SEMA3E: variants seen among roughly 807,000 people sequenced by gnomAD.
SEMA3E encodes the protein semaphorin-3E.
Under a neutral mutation model 93.6 loss-of-function variants are expected in SEMA3E, and 49 were observed. That is an observed-to-expected ratio of 0.52 (90% CI 0.42 to 0.66). The LOEUF (loss-of-function observed/expected upper bound fraction) is 0.66. Among genes scored for constraint, SEMA3E ranks in the 30% least tolerant of loss-of-function variants. The pLI, the probability that SEMA3E is intolerant of heterozygous loss-of-function variation, is 0.00. For synonymous variants in SEMA3E, 363 were observed against 330.7 expected, an observed-to-expected ratio of 1.10 and a Z score of -1.06; for missense variants, 906 against 964.8, an observed-to-expected ratio of 0.94 and a Z score of 0.81.
chr7:83,434,724 T>TTC (rs1018940210), intron 4 of SEMA3E, among the ~76,000 whole-genome samples: 1 of 121,850 alleles, frequency 8.2e-6, no homozygotes, highest in African/African-American at 3.7e-5. Flanking sequence ...TTTTTTTTTT[T>TTC]TTTTTTTGAG....
At chr7:83,496,212 T>C (rs749288053) in intron 1 of SEMA3E, among the ~76,000 whole-genome samples, 1 of 151,968 alleles carries the variant, frequency 6.6e-6, no homozygotes, top group Non-Finnish European at 1.5e-5. Flanking sequence ...ACGACAGAAG[T>C]TGACTGGAGA....
rs541869736 is a variant in SEMA3E at position 83,571,863 on chromosome 7, G to T, written c.115+76565C>A. 1.1e-3 allele frequency among the ~76,000 whole-genome samples: 174 copies of T among 152,222 alleles called. 2 individuals are homozygous for T. The highest frequency in any genetic ancestry group is 4.1e-3 in the African/African-American group (170 of 41,550). Reference sequence around the variant, plus strand: ...CAAAAGGCTCCTAGAACTAGTAAATGACTTCAGTAAAGTTTCAGGGTACAA... The same window carrying T: ...CAAAAGGCTCCTAGAACTAGTAAATTACTTCAGTAAAGTTTCAGGGTACAA... On this transcript the variant is annotated intron_variant, in intron 1 of 16. Coordinates refer to ENST00000643230, the MANE Select transcript of SEMA3E (RefSeq NM_012431.3).
intron 1 of SEMA3E, among the ~76,000 whole-genome samples, chr7:83,623,662 A>T (rs1793610404): frequency 6.6e-6 from 1 of 151,880 alleles, no homozygotes; most frequent in African/African-American, 2.4e-5. Flanking sequence ...TTTAGAAATT[A>T]TATTTGCTAC....
chr7:83,530,998 C>A (rs1286644626), intron 1 of SEMA3E, among the ~76,000 whole-genome samples: 1 of 152,014 alleles, frequency 6.6e-6, no homozygotes, highest in Non-Finnish European at 1.5e-5. Context: ...AAAACACATA[C>A]GTACATTTTC....
chr7:83,628,349 G>A (rs1793716570), intron 1 of SEMA3E, among the ~76,000 whole-genome samples: 1 of 151,978 alleles, frequency 6.6e-6, no homozygotes, highest in African/African-American at 2.4e-5. Flanking sequence ...TACTAGGTTG[G>A]GGAAGTTCTC....
intron 1 of SEMA3E, among the ~76,000 whole-genome samples, chr7:83,529,344 T>C (rs1237312578): frequency 6.6e-6 from 1 of 152,132 alleles, no homozygotes; most frequent in Non-Finnish European, 1.5e-5. Context: ...GACTGATTCA[T>C]GAAGACATTA....
At chr7:83,531,189 A>G (rs914736106) in intron 1 of SEMA3E, among the ~76,000 whole-genome samples, 3 of 151,926 alleles carry the variant, frequency 2.0e-5, no homozygotes, top group African/African-American at 7.2e-5. Flanking sequence ...ATAATTAAGC[A>G]TCTAAAGTTA....
intron 1 of SEMA3E, among the ~76,000 whole-genome samples, chr7:83,552,820 G>A (rs1257565880): frequency 6.6e-6 from 1 of 152,116 alleles, no homozygotes. Context: ...CCTGTTTTCT[G>A]TTATTTAAGA....
At chr7:83,412,894 G>T (rs1287936941) in intron 5 of SEMA3E, among the ~76,000 whole-genome samples, 1 of 151,954 alleles carries the variant, frequency 6.6e-6, no homozygotes, top group Non-Finnish European at 1.5e-5. Context: ...TTCCTTGAGG[G>T]CCTTACGTTA....
intron 4 of SEMA3E, among the ~76,000 whole-genome samples, chr7:83,453,238 G>A (rs576932512): frequency 2.0e-5 from 3 of 151,952 alleles, no homozygotes; most frequent in South Asian, 2.1e-4. Flanking sequence ...CCACATTGGC[G>A]AGGCTGGTCT....
At chr7:83,453,421 GAAA>G (rs34099626) in intron 4 of SEMA3E, among the ~76,000 whole-genome samples, 3 of 136,886 alleles carry the variant, frequency 2.2e-5, no homozygotes, top group Non-Finnish European at 3.1e-5. Flanking sequence ...TCTCCCTACT[GAAA>G]AAAAAAAAAA....
At chr7:83,507,424 C>CTGTGTGTGTGTGTGTGTGTGTGTG (rs4016317) in intron 1 of SEMA3E, among the ~76,000 whole-genome samples, 1 of 125,928 alleles carries the variant, frequency 7.9e-6, no homozygotes, top group Non-Finnish European at 1.7e-5. Flanking sequence ...AAACAGAACT[C>CTGTGTGTGTGTGTGTGTGTGTGTG]TGTGTGTGTG....
chr7:83,428,894 A>C (rs1788827796), intron 4 of SEMA3E, among the ~76,000 whole-genome samples: 1 of 152,168 alleles, frequency 6.6e-6, no homozygotes, highest in Non-Finnish European at 1.5e-5. Context: ...TTTTCTTTTT[A>C]GAGGTGAGGA....
intron 1 of SEMA3E, among the ~76,000 whole-genome samples, chr7:83,523,019 A>T (rs1791081148): frequency 6.6e-6 from 1 of 152,098 alleles, no homozygotes; most frequent in Non-Finnish European, 1.5e-5. Context: ...CAGAGACTTG[A>T]ACAGCACAGG....
At chr7:83,629,291 A>C (rs1185937302) in intron 1 of SEMA3E, among the ~76,000 whole-genome samples, 1 of 152,104 alleles carries the variant, frequency 6.6e-6, no homozygotes. Context: ...GGGATCAGGG[A>C]CCCACTTGAG....
chr7:83,416,831 A>G (rs1390849836), intron 5 of SEMA3E, among the ~76,000 whole-genome samples: 3 of 151,972 alleles, frequency 2.0e-5, no homozygotes, highest in Admixed American at 6.6e-5. Flanking sequence ...ATTTTAATGT[A>G]TATTCTGTCA....
At chr7:83,389,931 T>C (rs1488864099) in intron 14 of SEMA3E, among the ~76,000 whole-genome samples, 1 of 88,862 alleles carries the variant, frequency 1.1e-5, no homozygotes, top group Non-Finnish European at 2.3e-5. Flanking sequence ...ATATTACATG[T>C]ATACATATAT....
intron 1 of SEMA3E, among the ~76,000 whole-genome samples, chr7:83,644,146 T>C (rs1291984499): frequency 6.6e-6 from 1 of 151,840 alleles, no homozygotes; most frequent in Non-Finnish European, 1.5e-5. Flanking sequence ...AATTCTAAAA[T>C]GTGTGTTGTA....
At chr7:83,402,833 C>A in intron 9 of SEMA3E, 57 bp from the exon 10 acceptor site, 1 of 1,508,788 alleles carries the variant, frequency 6.6e-7, no homozygotes, top group South Asian at 1.2e-5. Context: ...GTCATCTAGC[C>A]AAATACCCCA....
Sources: allele counts gnomAD v4.1 joint callset (sites outside exome capture counted in the v4.1 genomes callset), GRCh38; gene constraint gnomAD v4.1.1; transcripts MANE v1.5; gene names NCBI Gene and HGNC (gene_info 2026-07-23, HGNC 2026-07-21).